ZNF385D: variants seen among roughly 807,000 people sequenced by gnomAD.
ZNF385D encodes the protein zinc finger protein 385D, also known as zinc finger protein 659.
Under a neutral mutation model 35.8 loss-of-function variants are expected in ZNF385D, and 15 were observed. The observed-to-expected ratio is 0.42, with a 90% CI of 0.28 to 0.64. ZNF385D has a LOEUF of 0.64. ZNF385D is among the 30% of genes least tolerant of loss of function. The probability of loss-of-function intolerance (pLI) is 0.23; values close to 1 mark genes in which losing one functional copy is unlikely to be tolerated. For missense variants in ZNF385D, 474 were observed against 494.6 expected (o/e 0.96, Z 0.39); for synonymous variants, 212 against 186.8 (o/e 1.13, Z -1.10).
intron 3 of ZNF385D, among the ~76,000 whole-genome samples, chr3:21,779,293 T>G (rs924598140): frequency 6.6e-6 from 1 of 151,934 alleles, no homozygotes; most frequent in Non-Finnish European, 1.5e-5. Context: ...GACTTCTAAC[T>G]CAGTGATCAT....
intron 3 of ZNF385D, among the ~76,000 whole-genome samples, chr3:22,140,453 A>G (rs183252734): frequency 1.3e-5 from 2 of 152,178 alleles, no homozygotes; most frequent in Non-Finnish European, 2.9e-5. Flanking sequence ...TTAGGAGTAG[A>G]GCAATTGTGT....
At chr3:22,347,681 T>G (rs1382941024) in intron 2 of ZNF385D, among the ~76,000 whole-genome samples, 2 of 152,162 alleles carry the variant, frequency 1.3e-5, no homozygotes, top group Non-Finnish European at 2.9e-5. Context: ...ATATGACTGT[T>G]TCACTTTATG....
chr3:21,536,228 T>C lies in ZNF385D; in HGVS notation c.277-25205A>G, dbSNP rs1417475252. ...GTTGATGAAGTAGGTAATGGAGGACTCTAGCAATATGCTTAGTGCTAAGAT... is the reference window on the plus strand; with the variant it reads ...GTTGATGAAGTAGGTAATGGAGGACCCTAGCAATATGCTTAGTGCTAAGAT... On this transcript the variant is annotated intron_variant, in intron 3 of 7. Transcript: ENST00000281523. 1.4e-4 allele frequency among the ~76,000 whole-genome samples: 22 copies of C among 152,200 alleles called. No individual in the cohort carries two copies. The East Asian group carries it at 4.3e-3, about 29-fold the overall frequency.
intron 3 of ZNF385D, among the ~76,000 whole-genome samples, chr3:21,908,136 A>G (rs1299317225): frequency 2.7e-5 from 4 of 148,206 alleles, no homozygotes; most frequent in African/African-American, 1.0e-4. Flanking sequence ...CTATCTATCT[A>G]TCTATCTATC....
chr3:22,139,608 C>A lies in ZNF385D; in HGVS notation c.325+29209G>T, dbSNP rs1344702024. ...GGAAGGGGAACATCACACACTGGGG[C>A]CTGTTGTGGGGTGGGGGGAGGAGGG... On this transcript the variant is annotated intron_variant, in intron 3 of 5. Transcript: ENST00000494108. 3.3e-5 allele frequency among the ~76,000 whole-genome samples: 5 copies of A among 150,786 alleles called. No homozygotes were observed. In the East Asian group the frequency reaches 5.9e-4, roughly 18 times the overall value.
At chr3:21,586,895 G>A (rs571027915) in intron 2 of ZNF385D, among the ~76,000 whole-genome samples, 3 of 152,320 alleles carry the variant, frequency 2.0e-5, no homozygotes, top group South Asian at 4.1e-4. Context: ...CTTGGGAACA[G>A]AGGAAAGGGG....
intron 4 of ZNF385D, among the ~76,000 whole-genome samples, chr3:21,462,560 G>A (rs1192797874): frequency 1.3e-5 from 2 of 152,114 alleles, no homozygotes; most frequent in Non-Finnish European, 2.9e-5. Flanking sequence ...CAACTTTAAG[G>A]AGGCTACAGA....
chr3:22,166,017 A>T (rs1706294984), intron 3 of ZNF385D, among the ~76,000 whole-genome samples: 1 of 140,550 alleles, frequency 7.1e-6, no homozygotes. Context: ...TTTTGGCTCC[A>T]GGATCTCCCC....
chr3:21,563,409 C>T (rs2063025101), intron 3 of ZNF385D: 15 of 152,170 alleles, frequency 9.9e-5, no homozygotes, highest in Admixed American at 9.8e-4. Flanking sequence ...AGGCAATCCA[C>T]TCTTCTCTTT....
In ZNF385D at chr3:22,321,164, G is replaced by GTTTT; in HGVS notation, c.106+51282_106+51285dup. ...TGCTGATAGTAACACTTATGACCTT[G>GTTTT]TTTTTTTTTTTTTTTTTTTTTCATT... is the stretch of plus-strand genomic sequence containing the variant. On this transcript the variant is annotated intron_variant, in intron 2 of 5. Transcript: ENST00000494108. Among the ~76,000 whole-genome samples, 185 of 76,118 alleles carry GTTTT rather than the reference G, an allele frequency of 2.4e-3. 6 individuals carry two copies. The highest frequency in any genetic ancestry group is 7.9e-3 in the African/African-American group (158 of 19,888). 49.9% of individuals were successfully genotyped at this position (76,118 alleles called of 152,430 possible).
chr3:21,884,249 T>A (rs1379322594), intron 3 of ZNF385D, among the ~76,000 whole-genome samples: 2 of 152,058 alleles, frequency 1.3e-5, no homozygotes, highest in Admixed American at 6.6e-5. Flanking sequence ...CAGAATGTTG[T>A]TAAACTGAAA....
At chr3:22,162,477 T>C (rs1022254155) in intron 3 of ZNF385D, among the ~76,000 whole-genome samples, 1 of 152,142 alleles carries the variant, frequency 6.6e-6, no homozygotes, top group African/African-American at 2.4e-5. Context: ...CATTTTGAAG[T>C]TCTAACAGAG....
intron 3 of ZNF385D, among the ~76,000 whole-genome samples, chr3:22,164,039 G>A (rs1485996638): frequency 1.3e-5 from 2 of 152,206 alleles, no homozygotes; most frequent in East Asian, 3.9e-4. Flanking sequence ...TTCCCAATAA[G>A]CCTGCAAAGG....
rs114377629 is a variant in ZNF385D at position 22,261,644 on chromosome 3, T to C, written c.107-92609A>G. Among the ~76,000 whole-genome samples the C allele has an allele frequency of 2.1e-3, 318 of 152,006 alleles. 2 individuals carry two copies. Among genetic ancestry groups the C allele is most frequent in the African/African-American group, 6.6e-3 (275 of 41,502 alleles). On this transcript the variant is annotated intron_variant, in intron 2 of 5. Coordinates refer to the ZNF385D transcript ENST00000494108. Reference sequence around the variant, plus strand: ...TCTACCTGGACTAAGCTAATGGAGCTAGGGTATGGGGGTGGCATTAGCAGA... The same window carrying C: ...TCTACCTGGACTAAGCTAATGGAGCCAGGGTATGGGGGTGGCATTAGCAGA...
intron 4 of ZNF385D, among the ~76,000 whole-genome samples, chr3:21,447,391 C>T (rs402944): frequency 0.34 from 51,767 of 152,020 alleles, 9,564 homozygotes; most frequent in Non-Finnish European, 0.42. Context: ...TGAATGGTAG[C>T]ACCCCTGTTC....
At chr3:21,915,546 C>T (rs568051606) in intron 3 of ZNF385D, among the ~76,000 whole-genome samples, 21 of 151,950 alleles carry the variant, frequency 1.4e-4, no homozygotes, top group African/African-American at 5.1e-4. Context: ...CAAATATTGC[C>T]TGTATTGATG....
rs531584293 is a variant in ZNF385D, at chr3:22,124,800, A to G, written c.325+44017T>C. Among the ~76,000 whole-genome samples, 28 of 152,188 alleles carry G rather than the reference A, an allele frequency of 1.8e-4. No individual in the cohort carries two copies. The South Asian group carries it at 5.6e-3, about 30-fold the overall frequency. On this transcript the variant is annotated intron_variant, in intron 3 of 5. Coordinates refer to the ZNF385D transcript ENST00000494108. ...TCCTATAGAGTTGTTTGAGCTCCTT[A>G]TATATCTGGTTATTAGTTTCTTGTC...
intron 3 of ZNF385D, among the ~76,000 whole-genome samples, chr3:21,853,246 T>G (rs1056398083): frequency 4.0e-5 from 6 of 151,798 alleles, no homozygotes; most frequent in African/African-American, 1.4e-4. Flanking sequence ...TTGGCAAGAG[T>G]GCCTATAATC....
At chr3:22,195,191 C>T (rs951800287) in intron 2 of ZNF385D, among the ~76,000 whole-genome samples, 7 of 151,704 alleles carry the variant, frequency 4.6e-5, no homozygotes, top group African/African-American at 1.5e-4. Flanking sequence ...GGAATCACAC[C>T]GTGGTTTTAA....
Sources: gnomAD v4.1 joint callset for allele counts (sites outside exome capture counted in the v4.1 genomes callset) on GRCh38, gnomAD v4.1.1 for gene constraint, MANE v1.5 for transcripts, NCBI Gene and HGNC (gene_info 2026-07-23, HGNC 2026-07-21) for gene names.